MTFR1: variants seen among roughly 807,000 people sequenced by gnomAD.
The protein encoded by MTFR1 is chondrocyte protein with a poly-proline region.
MTFR1 carries 28 observed loss-of-function variants against 38.8 expected under a neutral mutation model. The observed-to-expected ratio is 0.72, with a 90% CI of 0.53 to 0.99. MTFR1 has a LOEUF of 0.99. Ranked by LOEUF, MTFR1 falls within the 50% of genes least tolerant of loss-of-function variation. The probability of loss-of-function intolerance (pLI) is 0.00; values close to 1 mark genes in which losing one functional copy is unlikely to be tolerated. For synonymous variants in MTFR1, 145 were observed against 137.0 expected, an observed-to-expected ratio of 1.06 and a Z score of -0.41; for missense variants, 358 against 395.5, an observed-to-expected ratio of 0.91 and a Z score of 0.81.
At chr8:65,724,807 T>G (rs1342603227) in intron 3 of MTFR1, 2 of 1,611,572 alleles carry the variant, frequency 1.2e-6, no homozygotes, top group African/African-American at 1.3e-5. Flanking sequence ...GTCTGGTGTC[T>G]TCTAGGCATA....
At chr8:65,751,896 A>C (rs769253338) in intron 3 of MTFR1, among the ~76,000 whole-genome samples, 1 of 152,126 alleles carries the variant, frequency 6.6e-6, no homozygotes, top group Non-Finnish European at 1.5e-5. Context: ...CTTGCTTTTT[A>C]ATTTATTGTG....
intron 3 of MTFR1, chr8:65,683,017 G>A: frequency 1.3e-6 from 1 of 768,592 alleles, no homozygotes; most frequent in Non-Finnish European, 1.6e-6. Context: ...CTTAGTCTTA[G>A]AACTTTTGAA....
At chr8:65,740,952 T>C (rs1379522664) in intron 3 of MTFR1, among the ~76,000 whole-genome samples, 10 of 152,222 alleles carry the variant, frequency 6.6e-5, no homozygotes, top group Admixed American at 6.5e-4. Context: ...TGGAAAGAGC[T>C]GCTACACGCA....
chr8:65,691,715 T>C (rs1805285534), intron 3 of MTFR1, among the ~76,000 whole-genome samples: 1 of 152,130 alleles, frequency 6.6e-6, no homozygotes, highest in Non-Finnish European at 1.5e-5. Flanking sequence ...AGTAGCGCAA[T>C]CTCAGCTCAC....
At chr8:65,734,460 C>G (rs933518489) in intron 3 of MTFR1, among the ~76,000 whole-genome samples, 2 of 152,242 alleles carry the variant, frequency 1.3e-5, no homozygotes, top group Non-Finnish European at 1.5e-5. Flanking sequence ...TGCCTCCTCT[C>G]TGTAGCTCCT....
At chr8:65,695,563 G>C (rs191395350) in intron 4 of MTFR1, among the ~76,000 whole-genome samples, 1 of 152,244 alleles carries the variant, frequency 6.6e-6, no homozygotes, top group East Asian at 1.9e-4. Flanking sequence ...CACCACGTTG[G>C]CCAGGCTGGT....
At chr8:65,755,023 TA>T (rs200603387) in intron 3 of MTFR1, among the ~76,000 whole-genome samples, 5 of 144,858 alleles carry the variant, frequency 3.5e-5, no homozygotes, top group East Asian at 2.4e-4. Flanking sequence ...TTTTTTCACT[TA>T]TTTTTTTTTT....
chr8:65,704,765 T>C lies in MTFR1; in HGVS notation c.353T>C (p.Ile118Thr). The C allele has an allele frequency of 6.2e-7, 1 of 1,614,042 alleles. No homozygotes were observed. Among genetic ancestry groups the C allele is most frequent in the East Asian group, 2.2e-5 (1 of 44,862 alleles). Residue 118 changes from isoleucine (I) to threonine (T), a missense_variant, in exon 5 of 8, where the codon ATT becomes ACT. Transcript: ENST00000262146. ...LFFEKAPSRQISLPDLSQEEP... is the reference protein window; with the variant it reads ...LFFEKAPSRQTSLPDLSQEEP... ...TTTGAGAAGGCCCCAAGCAGACAGA[T>C]TTCCTTACCAGACTTGTCTCAAGAA...
At chr8:65,650,317 G>A (rs557611321) in intron 1 of MTFR1, among the ~76,000 whole-genome samples, 30 of 149,018 alleles carry the variant, frequency 2.0e-4, no homozygotes, top group Admixed American at 8.2e-4. Context: ...GATTACAGGC[G>A]CCCACCATCA....
chr8:65,712,037 A>ACTC (rs1042418858), downstream of MTFR1, among the ~76,000 whole-genome samples: 8 of 152,164 alleles, frequency 5.3e-5, no homozygotes, highest in Non-Finnish European at 7.3e-5. Context: ...GAAAGGCCAG[A>ACTC]CTCTTCATAA....
intron 3 of MTFR1, among the ~76,000 whole-genome samples, chr8:65,746,071 C>T (rs1433845127): frequency 6.6e-6 from 1 of 151,768 alleles, no homozygotes; most frequent in Non-Finnish European, 1.5e-5. Flanking sequence ...GCTGGGACTA[C>T]AAGCATGTGT....
intron 1 of MTFR1, among the ~76,000 whole-genome samples, chr8:65,650,821 C>T (rs1426302280): frequency 6.6e-6 from 1 of 152,136 alleles, no homozygotes; most frequent in Non-Finnish European, 1.5e-5. Flanking sequence ...CTATACCTAC[C>T]AGTGAGATTG....
At chr8:65,774,502 T>C (rs886254496), downstream of MTFR1, among the ~76,000 whole-genome samples, 1 of 152,060 alleles carries the variant, frequency 6.6e-6, no homozygotes, top group Non-Finnish European at 1.5e-5. Flanking sequence ...CTCTAACATA[T>C]TGGTTCTCAG....
chr8:65,743,312 G>A (rs944725320), intron 3 of MTFR1, among the ~76,000 whole-genome samples: 1 of 152,178 alleles, frequency 6.6e-6, no homozygotes, highest in Admixed American at 6.5e-5. Context: ...GAAGGGCCAA[G>A]GGAAGGCTAA....
intron 3 of MTFR1, among the ~76,000 whole-genome samples, chr8:65,764,067 G>T (rs1347540483): frequency 6.6e-6 from 1 of 152,148 alleles, no homozygotes; most frequent in African/African-American, 2.4e-5. Context: ...CACATACATG[G>T]GGCAGAATGC....
chr8:65,733,315 C>T (rs1234044078), intron 3 of MTFR1, among the ~76,000 whole-genome samples: 1 of 152,182 alleles, frequency 6.6e-6, no homozygotes, highest in Non-Finnish European at 1.5e-5. Flanking sequence ...GAAGCCTTCG[C>T]TGACCAGGTT....
chr8:65,683,285 C>T (rs1335833039), intron 3 of MTFR1, among the ~76,000 whole-genome samples: 1 of 151,974 alleles, frequency 6.6e-6, no homozygotes, highest in Non-Finnish European at 1.5e-5. Flanking sequence ...GTGCACACCA[C>T]CACGGCCAGC....
chr8:65,762,901 C>G (rs1808577367), intron 3 of MTFR1, among the ~76,000 whole-genome samples: 1 of 151,856 alleles, frequency 6.6e-6, no homozygotes, highest in Admixed American at 6.6e-5. Flanking sequence ...TTATGGGAAG[C>G]TGAGGTGGGA....
intron 1 of MTFR1, among the ~76,000 whole-genome samples, chr8:65,652,448 G>A (rs1809149251): frequency 6.6e-6 from 1 of 151,860 alleles, no homozygotes. Context: ...TATCCAGGCT[G>A]GTCTCAAACT....
Sources: gnomAD v4.1 joint callset for allele counts (sites outside exome capture counted in the v4.1 genomes callset) on GRCh38, gnomAD v4.1.1 for gene constraint, MANE v1.5 for transcripts, NCBI Gene and HGNC (gene_info 2026-07-23, HGNC 2026-07-21) for gene names.